Variants in LARP4B observed in about 807,000 individuals in gnomAD.
The protein encoded by LARP4B is La ribonucleoprotein 4B, also known as la-related protein 4B.
In LARP4B, 12 loss-of-function variants were observed where a neutral mutation model predicts 89.8. The observed-to-expected ratio is 0.13, with a 90% CI of 0.09 to 0.22. The LOEUF (loss-of-function observed/expected upper bound fraction) is 0.22. Among genes scored for constraint, LARP4B ranks in the 10% least tolerant of loss-of-function variants. LARP4B has a pLI of 1.00. For synonymous variants in LARP4B, 367 were observed against 363.3 expected (o/e 1.01, Z -0.12); for missense variants, 757 against 947.7 (o/e 0.80, Z 2.64).
chr10:879,067 CTAAGAATAG>C, intron 3 of LARP4B, among the ~76,000 whole-genome samples: 1 of 152,288 alleles, frequency 6.6e-6, no homozygotes, highest in South Asian at 2.1e-4. Flanking sequence ...AAGGATACAA[CTAAGAATAG>C]TAAGCCAAAC....
the LARP4B span, chr10:986,562 T>C: frequency 9.9e-5 from 15 of 152,178 alleles, no homozygotes; most frequent in Non-Finnish European, 1.9e-4. Flanking sequence ...ACGCACATGG[T>C]GTAAGATGCT....
At chr10:826,376 G>A (rs1832622164) in intron 11 of LARP4B, among the ~76,000 whole-genome samples, 1 of 152,146 alleles carries the variant, frequency 6.6e-6, no homozygotes, top group Non-Finnish European at 1.5e-5. Flanking sequence ...GCAGATCAGG[G>A]TATTTTCAGA....
chr10:837,629 G>A (rs184457899), intron 7 of LARP4B, among the ~76,000 whole-genome samples: 3 of 152,248 alleles, frequency 2.0e-5, no homozygotes, highest in East Asian at 3.9e-4. Flanking sequence ...TAAAACACAC[G>A]TTCCAGAGAC....
At chr10:909,173 A>T (rs866108201) in intron 1 of LARP4B, among the ~76,000 whole-genome samples, 2 of 151,828 alleles carry the variant, frequency 1.3e-5, no homozygotes, top group African/African-American at 4.8e-5. Context: ...GGGCACTTGT[A>T]GTCCCAGCTA....
At chr10:988,236 C>T in the LARP4B span, 4 of 483,770 alleles carry the variant, frequency 8.3e-6, no homozygotes, top group East Asian at 1.4e-4. Context: ...CGCGCTCCCC[C>T]TAAAACCCGG....
chr10:945,667 A>G, the LARP4B span, among the ~76,000 whole-genome samples: 114 of 150,602 alleles, frequency 7.6e-4, no homozygotes, highest in African/African-American at 1.5e-3. Flanking sequence ...CAGCCTGGGC[A>G]ACAGAGCGAG....
At chr10:860,778 C>G (rs189339266) in intron 5 of LARP4B, among the ~76,000 whole-genome samples, 1 of 152,076 alleles carries the variant, frequency 6.6e-6, no homozygotes, top group Non-Finnish European at 1.5e-5. Context: ...GGGGCTGATG[C>G]ACATCTCTTG....
intron 5 of LARP4B, among the ~76,000 whole-genome samples, chr10:855,839 A>C (rs1354053416): frequency 6.6e-6 from 1 of 152,242 alleles, no homozygotes; most frequent in Non-Finnish European, 1.5e-5. Context: ...TCTGCTGACA[A>C]TCCAAGCAGT....
intron 3 of LARP4B, among the ~76,000 whole-genome samples, chr10:872,672 A>G (rs960669698): frequency 2.6e-5 from 4 of 152,136 alleles, no homozygotes; most frequent in African/African-American, 9.7e-5. Context: ...GCCACTCACA[A>G]AGGCTTCCTC....
the LARP4B span, among the ~76,000 whole-genome samples, chr10:955,797 TA>T: frequency 4.7e-5 from 7 of 148,568 alleles, no homozygotes; most frequent in African/African-American, 9.9e-5. This position sits in a 1 kb window ranked among gnomAD's most constrained non-coding sequence, Gnocchi z 5.2. Context: ...CACTGTTAAT[TA>T]AAAAAAAAAG....
intron 3 of LARP4B, among the ~76,000 whole-genome samples, chr10:871,626 G>A (rs1362520344): frequency 2.0e-5 from 3 of 152,086 alleles, no homozygotes; most frequent in Admixed American, 1.3e-4. Context: ...TCCCCTCTGC[G>A]CTGTGCCTTC....
At chr10:818,185 G>A (rs1832163233) in intron 14 of LARP4B, 1 of 270,838 alleles carries the variant, frequency 3.7e-6, no homozygotes, top group Non-Finnish European at 7.0e-6. Flanking sequence ...ACGAACAGCA[G>A]GGGCAGCTGA....
chr10:875,435 C>T (rs1835417723), intron 3 of LARP4B, among the ~76,000 whole-genome samples: 1 of 152,164 alleles, frequency 6.6e-6, no homozygotes, highest in Admixed American at 6.5e-5. Context: ...TTCCCCCGAC[C>T]TCTTCTATCT....
chr10:878,580 G>A (rs1043723163), intron 3 of LARP4B, among the ~76,000 whole-genome samples: 4 of 152,144 alleles, frequency 2.6e-5, no homozygotes, highest in South Asian at 4.1e-4. Context: ...GATTACCTAC[G>A]TGTGTTTATT....
chr10:924,237 AAAAAT>A (rs1224620380), intron 1 of LARP4B: 1 of 152,172 alleles, frequency 6.6e-6, no homozygotes, highest in Non-Finnish European at 1.5e-5. Context: ...ACTGTCTCAA[AAAAAT>A]AAAATATTTT....
the LARP4B span, among the ~76,000 whole-genome samples, chr10:937,977 C>T: frequency 0.024 from 3,674 of 151,632 alleles, 57 homozygotes; most frequent in Middle Eastern, 0.045. Context: ...CTCCACCTCC[C>T]GGGTTCAAGC....
At chr10:868,266 A>G (rs1052790256) in intron 3 of LARP4B, among the ~76,000 whole-genome samples, 2 of 151,870 alleles carry the variant, frequency 1.3e-5, no homozygotes, top group Non-Finnish European at 2.9e-5. Context: ...ACTCCTACAG[A>G]TGCACTAAAA....
intron 1 of LARP4B, among the ~76,000 whole-genome samples, chr10:926,147 A>G (rs1241012513): frequency 2.6e-5 from 4 of 152,214 alleles, no homozygotes; most frequent in Non-Finnish European, 4.4e-5. Flanking sequence ...ACAGTTTACC[A>G]GTCCCTGGGC....
intron 3 of LARP4B, among the ~76,000 whole-genome samples, chr10:866,049 G>A (rs1834882962): frequency 6.6e-6 from 1 of 152,160 alleles, no homozygotes; most frequent in Admixed American, 6.5e-5. Flanking sequence ...TCAGGTGATG[G>A]GGCTGGTAGT....
Sources: gnomAD v4.1 joint callset for allele counts (sites outside exome capture counted in the v4.1 genomes callset) on GRCh38, gnomAD v4.1.1 for gene constraint, Gnocchi (gnomAD v3.1) non-coding constraint, MANE v1.5 for transcripts, NCBI Gene and HGNC (gene_info 2026-07-23, HGNC 2026-07-21) for gene names.